The following WDR70 variants were observed in gnomAD, a reference collection of about 807,000 sequenced individuals.
WDR70 encodes WD repeat domain 70.
WDR70 carries 53 observed loss-of-function variants against 88.6 expected under a neutral mutation model. The ratio of observed to expected loss-of-function variants is 0.60; its 90% CI spans 0.48 to 0.75. The LOEUF is 0.75. Among genes scored for constraint, WDR70 ranks in the 30% least tolerant of loss-of-function variants. The probability of loss-of-function intolerance (pLI) is 0.00; values close to 1 mark genes in which losing one functional copy is unlikely to be tolerated. For missense variants in WDR70, 610 were observed against 823.2 expected (o/e 0.74, Z 3.17); for synonymous variants, 280 against 270.0 (o/e 1.04, Z -0.36).
At chr5:37,582,380 C>G (rs1329332011) in intron 9 of WDR70, among the ~76,000 whole-genome samples, 1 of 152,148 alleles carries the variant, frequency 6.6e-6, no homozygotes, top group African/African-American at 2.4e-5. Flanking sequence ...TTTCGAAGTC[C>G]CTGTATCAGA....
chr5:37,644,385 G>C (rs979968141), intron 10 of WDR70, among the ~76,000 whole-genome samples: 1 of 151,906 alleles, frequency 6.6e-6, no homozygotes, highest in Non-Finnish European at 1.5e-5. Context: ...TCATTTGCTG[G>C]TATTTTCTGG....
chr5:37,562,174 A>G (rs1354718203), intron 9 of WDR70, among the ~76,000 whole-genome samples: 4 of 152,198 alleles, frequency 2.6e-5, no homozygotes, highest in Non-Finnish European at 5.9e-5. Flanking sequence ...CCTGGTCAAC[A>G]TGGTGAAACC....
chr5:37,634,994 C>T (rs1744916313), intron 10 of WDR70, among the ~76,000 whole-genome samples: 1 of 152,290 alleles, frequency 6.6e-6, no homozygotes, highest in Admixed American at 6.5e-5. Context: ...TAGATCCTAG[C>T]TAAAAATAGG....
Position 37,612,885 on chromosome 5 carries a change from T to C in WDR70, c.1092+7647T>C, listed in dbSNP as rs76658436. Reference sequence around the variant, plus strand: ...AACACGTGACATATGAACTATTCTATAGTGCTTTAACATGCCTATTTTCAA... The same window carrying C: ...AACACGTGACATATGAACTATTCTACAGTGCTTTAACATGCCTATTTTCAA... On this transcript the variant is annotated intron_variant, in intron 10 of 17. Transcript: ENST00000265107. Among the ~76,000 whole-genome samples the C allele has an allele frequency of 1.9e-3, 289 of 152,344 alleles. 1 individual carries two copies. The highest frequency in any genetic ancestry group is 3.2e-3 in the Non-Finnish European group (221 of 68,026).
At chr5:37,751,143 G>A (rs1748795914) in intron 17 of WDR70, among the ~76,000 whole-genome samples, 1 of 152,132 alleles carries the variant, frequency 6.6e-6, no homozygotes, top group Non-Finnish European at 1.5e-5. Context: ...TCTTGAACAG[G>A]TTTATCCATA....
chr5:37,462,568 T>C (rs1244661345), intron 7 of WDR70, among the ~76,000 whole-genome samples: 2 of 152,140 alleles, frequency 1.3e-5, no homozygotes, highest in African/African-American at 2.4e-5. Flanking sequence ...TCCCAAAGTG[T>C]TAGGATTACA....
intron 10 of WDR70, among the ~76,000 whole-genome samples, chr5:37,650,804 C>T (rs1351704795): frequency 3.9e-5 from 6 of 152,088 alleles, no homozygotes; most frequent in Non-Finnish European, 8.8e-5. Flanking sequence ...CCTTTACATA[C>T]TCTCCGTCCT....
chr5:37,721,211 C>A lies in WDR70; in HGVS notation c.1513C>A (p.Gln505Lys). ...AKVYYDPNKS[Q>K]RGAKLCVVKT... ...AGTCTATTACGACCCCAACAAGAGT[C>A]AGAGGTATTTCATAAGTATTGCCTG... The change falls in exon 14 of 18, where the codon CAG becomes AAG. Residue 505 changes from glutamine to lysine, a missense_variant. Physicochemically the swap from Gln to Lys is moderately conservative, Grantham distance 53. This residue lies in a region of WDR70 where 254 missense variants were observed against 300.7 expected (regional missense o/e 0.84). Transcript: ENST00000265107. The A allele has an allele frequency of 6.2e-7, 1 of 1,613,400 alleles. No homozygotes were observed. The highest frequency in any genetic ancestry group is 1.1e-5 in the South Asian group (1 of 91,052).
chr5:37,397,983 C>T (rs1185820758), intron 5 of WDR70, among the ~76,000 whole-genome samples: 11 of 132,536 alleles, frequency 8.3e-5, no homozygotes, highest in East Asian at 4.7e-4. Flanking sequence ...GTGACAGATT[C>T]GGTCTCAGAA....
chr5:37,665,142 C>T (rs1038378772), intron 10 of WDR70, among the ~76,000 whole-genome samples: 2 of 152,156 alleles, frequency 1.3e-5, no homozygotes, highest in Non-Finnish European at 2.9e-5. Flanking sequence ...TCTATCTTTC[C>T]TTCATTGCCA....
At chr5:37,665,101 A>G (rs1394775379) in intron 10 of WDR70, among the ~76,000 whole-genome samples, 2 of 152,202 alleles carry the variant, frequency 1.3e-5, no homozygotes, top group East Asian at 1.9e-4. Context: ...ATTTCCTGAG[A>G]TGTATGATCC....
intron 9 of WDR70, among the ~76,000 whole-genome samples, chr5:37,521,803 A>G (rs544556734): frequency 2.3e-3 from 348 of 152,082 alleles, no homozygotes; most frequent in Middle Eastern, 6.8e-3. Context: ...TGTTTTTGCA[A>G]TTGCAAATTG....
At chr5:37,446,885 G>A (rs1345285960) in intron 7 of WDR70, among the ~76,000 whole-genome samples, 1 of 152,152 alleles carries the variant, frequency 6.6e-6, no homozygotes. Context: ...CATGGGCAAG[G>A]ACTTCATGTC....
chr5:37,676,702 G>C (rs1438601560), intron 10 of WDR70, among the ~76,000 whole-genome samples: 2 of 151,580 alleles, frequency 1.3e-5, no homozygotes, highest in East Asian at 3.9e-4. Context: ...TCTCTTTTTT[G>C]GTTGTGTCTC....
intron 10 of WDR70, among the ~76,000 whole-genome samples, chr5:37,672,926 T>G (rs1357831014): frequency 6.6e-6 from 1 of 152,144 alleles, no homozygotes; most frequent in Non-Finnish European, 1.5e-5. Flanking sequence ...GGGCTACATG[T>G]GCAGGTTTGT....
At chr5:37,587,936 C>T (rs1165296709) in intron 9 of WDR70, among the ~76,000 whole-genome samples, 3 of 151,980 alleles carry the variant, frequency 2.0e-5, no homozygotes, top group Non-Finnish European at 4.4e-5. Flanking sequence ...CACACCACCA[C>T]GCCAGCTAAT....
intron 9 of WDR70, among the ~76,000 whole-genome samples, chr5:37,538,794 T>C (rs1312254784): frequency 9.9e-5 from 15 of 152,170 alleles, no homozygotes; most frequent in Admixed American, 9.8e-4. Context: ...ACTTACTACA[T>C]TTTACTTGGA....
chr5:37,646,232 A>G (rs769620251), intron 10 of WDR70, among the ~76,000 whole-genome samples: 2 of 152,118 alleles, frequency 1.3e-5, no homozygotes, highest in Non-Finnish European at 1.5e-5. Flanking sequence ...TCATAAATAA[A>G]CTAAAAAACA....
intron 5 of WDR70, among the ~76,000 whole-genome samples, chr5:37,402,620 A>G (rs1561838769): frequency 6.6e-6 from 1 of 152,144 alleles, no homozygotes; most frequent in Non-Finnish European, 1.5e-5. Flanking sequence ...CCATCACCTT[A>G]AATATTTGTC....
Sources: gnomAD v4.1 joint callset for allele counts (sites outside exome capture counted in the v4.1 genomes callset) on GRCh38, gnomAD v4.1.1 for gene constraint, gnomAD v4.1.1 regional missense constraint, MANE v1.5 for transcripts, NCBI Gene and HGNC (gene_info 2026-07-23, HGNC 2026-07-21) for gene names.